The following PAX4 variants were observed in gnomAD, a reference collection of about 807,000 sequenced individuals.
PAX4 encodes the protein paired box protein Pax-4.
Under a neutral mutation model 40.6 loss-of-function variants are expected in PAX4, and 33 were observed. The ratio of observed to expected loss-of-function variants is 0.81; its 90% CI spans 0.62 to 1.09. PAX4 has a LOEUF of 1.09. Ranked by LOEUF, PAX4 falls within the 50% of genes least tolerant of loss-of-function variation. The probability of loss-of-function intolerance (pLI) is 0.00; values close to 1 mark genes in which losing one functional copy is unlikely to be tolerated. For missense variants in PAX4, 459 were observed against 442.5 expected, an observed-to-expected ratio of 1.04 and a Z score of -0.33; for synonymous variants, 174 against 170.6, an observed-to-expected ratio of 1.02 and a Z score of -0.16.
At position 127,614,555 on chromosome 7, in the gene PAX4, G is replaced by C. The variant is rs1287647998; in HGVS notation, c.363C>G (p.Val121=). ...GLCTQDKTPS[V]SSINRVLRAL... ...CCCGCAGGACTCGGTTGATGGAGGAGACCTGGGAGTGTCAGGGTGTTGAGT... is the reference window on the plus strand; with the variant it reads ...CCCGCAGGACTCGGTTGATGGAGGACACCTGGGAGTGTCAGGGTGTTGAGT... Residue 121 remains valine (V), a splice_region_variant and synonymous_variant, in exon 6 of 12, where the codon GTC becomes GTG. Coordinates refer to ENST00000639438, the MANE Select transcript of PAX4 (RefSeq NM_001366110.1). 6 of 1,590,074 alleles carry C rather than the reference G, an allele frequency of 3.8e-6. No homozygotes were observed. Among genetic ancestry groups the C allele is most frequent in the African/African-American group, 1.3e-5 (1 of 74,676 alleles).
chr7:127,615,865 C>T (rs576815867), intron 3 of PAX4, 51 bp downstream of exon 3: 2 of 1,535,562 alleles, frequency 1.3e-6, no homozygotes, highest in African/African-American at 1.4e-5. Flanking sequence ...CTGAGGTCTT[C>T]CCCTGTCTCT....
chr7:127,611,311 A>G, intron 11 of PAX4, 105 bp from the exon 12 acceptor site: 2 of 1,303,212 alleles, frequency 1.5e-6, no homozygotes, highest in South Asian at 2.5e-5. Flanking sequence ...CTGCATATAC[A>G]CACTTGAATC....
chr7:127,610,738 A>T lies in PAX4; in HGVS notation c.*326T>A. ...ATAAATGATAGGGCAAATTGTCTAT[A>T]ATTGTTGAATATTAGAGTGGGCATA... On this transcript the variant is annotated 3_prime_UTR_variant, in exon 12 of 12. Coordinates refer to ENST00000639438, the MANE Select transcript of PAX4 (RefSeq NM_001366110.1). 1 of 732,386 alleles carries T rather than the reference A, an allele frequency of 1.4e-6. No homozygotes were observed. Among genetic ancestry groups the T allele is most frequent in the Non-Finnish European group, 2.3e-6 (1 of 441,622 alleles). 45.4% of individuals were successfully genotyped at this position (732,386 alleles called of 1,614,324 possible). A position where few individuals can be genotyped will look rare whatever the true frequency, so the allele number is the denominator to read the frequency against.
At position 127,611,135 on chromosome 7, in the gene PAX4, G is replaced by A. The variant is rs1010793082; in HGVS notation, c.985C>T (p.His329Tyr). 3.1e-6 allele frequency: 5 copies of A among 1,605,540 alleles called. No homozygotes were observed. The highest frequency in any genetic ancestry group is 4.3e-6 in the Non-Finnish European group (5 of 1,175,706). Residue 329 changes from histidine (H) to tyrosine (Y), a missense_variant, in exon 12 of 12, where the codon CAC (histidine) becomes TAC (tyrosine). Transcript: ENST00000639438. ...TGAGAGCCACTAAGACTGGCCAGGT[G>A]ACAGTGGGAGGAAGGGCAAGGAAGG... ...LCLPCPSSHC[H>Y]LASLSGSQAL... is the part of the protein sequence containing the mutation.
intron 11 of PAX4, 127 bp from the exon 12 acceptor site, chr7:127,611,333 T>A: frequency 7.6e-7 from 1 of 1,313,060 alleles, no homozygotes; most frequent in Non-Finnish European, 1.1e-6. Flanking sequence ...CAGTCTCACA[T>A]CCTTTACCTG....
intron 2 of PAX4, among the ~76,000 whole-genome samples, chr7:127,616,702 C>A (rs180876225): frequency 2.8e-4 from 42 of 152,354 alleles, no homozygotes; most frequent in Admixed American, 7.2e-4. Context: ...TGTTCATTCT[C>A]TGAAGAGTTC....
Position 127,615,945 on chromosome 7 carries a change from C to G in PAX4, c.-17G>C, listed in dbSNP as rs1334183696. On this transcript the variant is annotated 5_prime_UTR_variant, in exon 3 of 12. Transcript: ENST00000639438. ...CTGATGCATGCTCCAGGCTGACCCTCCTCAGAAGGATGAGACTCCAGCTGG... is the reference window on the plus strand; with the variant it reads ...CTGATGCATGCTCCAGGCTGACCCTGCTCAGAAGGATGAGACTCCAGCTGG... 4.6e-6 allele frequency: 7 copies of G among 1,536,110 alleles called. No homozygotes were observed. Among genetic ancestry groups the G allele is most frequent in the Non-Finnish European group, 5.2e-6 (6 of 1,146,922 alleles).
At position 127,613,872 on chromosome 7, in the gene PAX4, G is replaced by T; in HGVS notation, c.446C>A (p.Ala149Asp). Residue 149 changes from alanine to aspartate, a missense_variant, in exon 7 of 12, where the codon GCT (alanine) becomes GAT (aspartate). By Grantham distance (126) the Ala-to-Asp change is moderately radical. Coordinates refer to ENST00000639438, the MANE Select transcript of PAX4 (RefSeq NM_001366110.1). Reference sequence around the variant, plus strand: ...ACTATGGGGAGTGAGGACAGCTGGAGCCAAAACAGCTGAAAAGGAAGATAA... The same window carrying T: ...ACTATGGGGAGTGAGGACAGCTGGATCCAAAACAGCTGAAAAGGAAGATAA... ...CTRLRSPAVLAPAVLTPHSGS... is the reference protein window; with the variant it reads ...CTRLRSPAVLDPAVLTPHSGS... 1 of 1,614,092 alleles carries T rather than the reference G, an allele frequency of 6.2e-7. No homozygotes were observed. The highest frequency in any genetic ancestry group is 1.1e-5 in the South Asian group (1 of 91,084).
chr7:127,613,162 G>A (rs904129814), intron 8 of PAX4, 71 bp from the exon 9 acceptor site: 19 of 1,253,228 alleles, frequency 1.5e-5, no homozygotes, highest in Admixed American at 3.4e-5. Flanking sequence ...CTCACCACAT[G>A]TTCCTAGCCT....
Position 127,616,037 on chromosome 7 carries a change from T to TG in PAX4, c.-99-11dup. On this transcript the variant is annotated splice_polypyrimidine_tract_variant and intron_variant, in intron 2 of 11. Coordinates refer to ENST00000639438, the MANE Select transcript of PAX4 (RefSeq NM_001366110.1). The stretch of plus-strand genomic sequence containing the variant: ...AGCTTGGGGGCTGGCTCTGCAATAA[T>TG]GGGGGGTTATTTGGGTGAGGTCTTT... The TG allele has an allele frequency of 7.7e-7, 1 of 1,303,584 alleles. No homozygotes were observed. The highest frequency in any genetic ancestry group is 1.1e-6 in the Non-Finnish European group (1 of 939,936). The allele number at this position is 1,303,584 out of a possible 1,614,324, so 80.8% of individuals were successfully genotyped here.
At chr7:127,614,685 T>C in intron 5 of PAX4, 128 bp from the exon 6 acceptor site, 2 of 945,368 alleles carry the variant, frequency 2.1e-6, no homozygotes, top group Non-Finnish European at 3.3e-6. Context: ...GGCAGCCTCC[T>C]CTCTCTCTCT....
At chr7:127,612,054 A>C in intron 9 of PAX4, 54 bp from the exon 10 acceptor site, 1 of 1,564,996 alleles carries the variant, frequency 6.4e-7, no homozygotes, top group African/African-American at 1.3e-5. Flanking sequence ...TAGGGACGGG[A>C]GGAGTGTGGT....
rs771130040 is a variant in PAX4, at chr7:127,611,165, G to A, written c.955C>T (p.Leu319Phe). 6.2e-7 allele frequency: 1 copy of A among 1,605,332 alleles called. No individual in the cohort carries two copies. The highest frequency in any genetic ancestry group is 8.5e-7 in the Non-Finnish European group (1 of 1,175,990). ...PQPNSLDSGLLCLPCPSSHCH... is the reference protein window; with the variant it reads ...PQPNSLDSGLFCLPCPSSHCH... ...TGGGAGGAAGGGCAAGGAAGGCAAAGCAGTCCTGAGTCCAGGGAATTCGGC... is the reference window on the plus strand; with the variant it reads ...TGGGAGGAAGGGCAAGGAAGGCAAAACAGTCCTGAGTCCAGGGAATTCGGC... Residue 319 changes from leucine (L) to phenylalanine (F), a missense_variant, in exon 12 of 12, where the codon CTT becomes TTT. Transcript: ENST00000639438.
chr7:127,613,467 G>A lies in PAX4; in HGVS notation c.628C>T (p.Pro210Ser), dbSNP rs200430538. 1.2e-6 allele frequency: 2 copies of A among 1,613,952 alleles called. No homozygotes were observed. The highest frequency in any genetic ancestry group is 1.7e-6 in the Non-Finnish European group (2 of 1,179,958). ...TCACTCACCCTCACCGTGTCCTCAG[G>A]CAGAGAGGTGGCAGTAGCCAGCTTT... is the stretch of plus-strand genomic sequence containing the variant. ...RGKLATATSL[P>S]EDTVRVWFSN... is the part of the protein sequence containing the mutation. The change falls in exon 8 of 12, where the codon CCT becomes TCT. Residue 210 changes from proline (P) to serine (S), a missense_variant. Coordinates refer to ENST00000639438, the MANE Select transcript of PAX4 (RefSeq NM_001366110.1).
chr7:127,610,770 C>T lies in PAX4; in HGVS notation c.*294G>A, dbSNP rs1794609791. ...GAATATTAGAGTGGGCATAGGGGTG[C>T]TCATAGGGAAAACATGATGGACAAC... is the stretch of plus-strand genomic sequence containing the variant. On this transcript the variant is annotated 3_prime_UTR_variant, in exon 12 of 12. Coordinates refer to ENST00000639438, the MANE Select transcript of PAX4 (RefSeq NM_001366110.1). 2.8e-6 allele frequency: 3 copies of T among 1,054,090 alleles called. No individual in the cohort carries two copies. The highest frequency in any genetic ancestry group is 2.8e-5 in the South Asian group (2 of 71,612). The allele number at this position is 1,054,090 out of a possible 1,614,324, so 65.3% of individuals were successfully genotyped here. A position where few individuals can be genotyped will look rare whatever the true frequency, so the allele number is the denominator to read the frequency against.
intron 9 of PAX4, among the ~76,000 whole-genome samples, chr7:127,612,424 T>G (rs1794644073): frequency 6.6e-6 from 1 of 151,604 alleles, no homozygotes; most frequent in Non-Finnish European, 1.5e-5. Context: ...GATGGATGGA[T>G]GAATGCATGA....
chr7:127,615,847 G>A, intron 3 of PAX4, 69 bp downstream of exon 3: 2 of 1,533,948 alleles, frequency 1.3e-6, no homozygotes, highest in Non-Finnish European at 1.7e-6. Flanking sequence ...GTTGATGGAA[G>A]CAAAGCCCTG....
intron 6 of PAX4, 115 bp downstream of exon 6, chr7:127,614,364 GTCC>G: frequency 1.2e-6 from 1 of 822,552 alleles, no homozygotes; most frequent in Non-Finnish European, 2.1e-6. Context: ...TCCCTGCCCA[GTCC>G]TCCTTATTGG....
Position 127,614,482 on chromosome 7 carries a change from C to T in PAX4, c.436G>A (p.Ala146Thr). Residue 146 changes from alanine to threonine, a missense_variant and splice_region_variant, in exon 6 of 12, where the codon GCT becomes ACT. Transcript: ENST00000639438. The stretch of plus-strand genomic sequence containing the variant: ...CCCTGGGGACAACTCCAAGACCCAC[C>T]TGGTGACCTGAGCCGTGTGCACGGT... The part of the protein sequence containing the change: ...GLPCTRLRSP[A>T]VLAPAVLTPH... The T allele has an allele frequency of 6.3e-7, 1 of 1,592,300 alleles. No homozygotes were observed. Among genetic ancestry groups the T allele is most frequent in the Non-Finnish European group, 8.6e-7 (1 of 1,168,646 alleles).
Sources: gnomAD v4.1 joint callset for allele counts (sites outside exome capture counted in the v4.1 genomes callset) on GRCh38, gnomAD v4.1.1 for gene constraint, MANE v1.5 for transcripts, NCBI Gene and HGNC (gene_info 2026-07-23, HGNC 2026-07-21) for gene names.